The following CLDN1 variants were observed in gnomAD, a reference collection of about 807,000 sequenced individuals.
The protein encoded by CLDN1 is claudin 1.
CLDN1 carries 12 observed loss-of-function variants against 22.6 expected under a neutral mutation model. The observed-to-expected ratio is 0.53, with a 90% CI of 0.34 to 0.86. CLDN1 has a LOEUF of 0.86. Ranked by LOEUF, CLDN1 falls within the 40% of genes least tolerant of loss-of-function variation. The pLI, the probability that CLDN1 is intolerant of heterozygous loss-of-function variation, is 0.02. For missense variants in CLDN1, 250 were observed against 269.5 expected (o/e 0.93, Z 0.51); for synonymous variants, 99 against 103.8 (o/e 0.95, Z 0.28).
At chr3:190,309,426 C>A (rs1387680046) in intron 3 of CLDN1, among the ~76,000 whole-genome samples, 1 of 152,142 alleles carries the variant, frequency 6.6e-6, no homozygotes, top group Non-Finnish European at 1.5e-5. Flanking sequence ...CTTATCTCTC[C>A]AAACACTGAG....
intron 1 of CLDN1, among the ~76,000 whole-genome samples, chr3:190,314,401 T>G (rs797010825): frequency 4.6e-5 from 7 of 152,288 alleles, no homozygotes; most frequent in African/African-American, 1.7e-4. Context: ...ATCTCTTTAT[T>G]TTTCTTTTTT....
intron 1 of CLDN1, 82 bp from the exon 2 acceptor site, chr3:190,313,118 T>G: frequency 6.6e-7 from 1 of 1,516,630 alleles, no homozygotes; most frequent in Non-Finnish European, 9.1e-7. Context: ...TATATGTCAC[T>G]GTTGTATGGA....
chr3:190,319,833 G>A (rs1197125905), intron 1 of CLDN1, among the ~76,000 whole-genome samples: 3 of 152,202 alleles, frequency 2.0e-5, no homozygotes, highest in African/African-American at 4.8e-5. Context: ...GCTGGTGGGC[G>A]TAAACACCAC....
In CLDN1 at chr3:190,308,389, CAG is replaced by C. The variant is rs773228619; in HGVS notation, c.522_523del (p.Cys175ProfsTer55). The C allele has an allele frequency of 1.2e-6, 2 of 1,613,574 alleles. No individual in the cohort carries two copies. The highest frequency in any genetic ancestry group is 2.7e-5 in the African/African-American group (2 of 74,846). On this transcript the variant is annotated frameshift_variant, in exon 4 of 4. Coordinates refer to ENST00000295522, the MANE Select transcript of CLDN1 (RefSeq NM_021101.5). LOFTEE classifies it high-confidence loss of function. Reference sequence around the variant, plus strand: ...GCAAAGTAGGGCACCTCCCAGAAGGCAGAGAGAAGCAGCAGCCCAGCCAGTGA... The same window carrying C: ...GCAAAGTAGGGCACCTCCCAGAAGGCAGAGAAGCAGCAGCCCAGCCAGTGA...
intron 2 of CLDN1, among the ~76,000 whole-genome samples, chr3:190,312,402 T>C (rs1716647392): frequency 6.6e-6 from 1 of 152,174 alleles, no homozygotes. Flanking sequence ...ATCCTGTTTA[T>C]TCTCGAATTA....
In CLDN1 at chr3:190,322,342, C is replaced by G; in HGVS notation, c.-136G>C. 1.2e-6 allele frequency: 1 copy of G among 803,198 alleles called. No homozygotes were observed. The highest frequency in any genetic ancestry group is 2.1e-6 in the Non-Finnish European group (1 of 486,688). The allele number at this position is 803,198 out of a possible 1,614,324, so 49.8% of individuals were successfully genotyped here. On this transcript the variant is annotated 5_prime_UTR_variant, in exon 1 of 4. Coordinates refer to ENST00000295522, the MANE Select transcript of CLDN1 (RefSeq NM_021101.5). ...AAGGCGGGGAGCCCTGCTCGCTGCG[C>G]CGCCGCTGGAGAAGCTCTGGGTCGG...
chr3:190,308,204 C>T lies in CLDN1; in HGVS notation c.*73G>A. 3 of 1,554,052 alleles carry T rather than the reference C, an allele frequency of 1.9e-6. No homozygotes were observed. The highest frequency in any genetic ancestry group is 2.2e-5 in the South Asian group (2 of 89,348). Reference sequence around the variant, plus strand: ...TTACAATACCCAAAATTCTAAGGTCCTAATGTTAATGATAGTATCTCAATG... The same window carrying T: ...TTACAATACCCAAAATTCTAAGGTCTTAATGTTAATGATAGTATCTCAATG... On this transcript the variant is annotated 3_prime_UTR_variant, in exon 4 of 4. Coordinates refer to ENST00000295522, the MANE Select transcript of CLDN1 (RefSeq NM_021101.5).
Position 190,307,694 on chromosome 3 carries a change from A to G in CLDN1, c.*583T>C, listed in dbSNP as rs1433518511. On this transcript the variant is annotated 3_prime_UTR_variant, in exon 4 of 4. Coordinates refer to ENST00000295522, the MANE Select transcript of CLDN1 (RefSeq NM_021101.5). ...CTATAAGATTATGGTAAAAAATAAA[A>G]TAAGTATATGAAAAGGGCACGCATG... is the stretch of plus-strand genomic sequence containing the variant. 1 of 152,448 alleles carries G rather than the reference A, an allele frequency of 6.6e-6. No homozygotes were observed. The highest frequency in any genetic ancestry group is 2.4e-5 in the African/African-American group (1 of 41,460). 9.4% of individuals were successfully genotyped at this position (152,448 alleles called of 1,614,324 possible). A position where few individuals can be genotyped will look rare whatever the true frequency, so the allele number is the denominator to read the frequency against.
chr3:190,308,202 T>C lies in CLDN1; in HGVS notation c.*75A>G. ...GATTACAATACCCAAAATTCTAAGGTCCTAATGTTAATGATAGTATCTCAA... is the reference window on the plus strand; with the variant it reads ...GATTACAATACCCAAAATTCTAAGGCCCTAATGTTAATGATAGTATCTCAA... On this transcript the variant is annotated 3_prime_UTR_variant, in exon 4 of 4. Coordinates refer to ENST00000295522, the MANE Select transcript of CLDN1 (RefSeq NM_021101.5). The C allele has an allele frequency of 6.5e-7, 1 of 1,544,918 alleles. No individual in the cohort carries two copies. The highest frequency in any genetic ancestry group is 8.9e-7 in the Non-Finnish European group (1 of 1,119,050).
At chr3:190,320,065 AGT>A (rs200480604) in intron 1 of CLDN1, among the ~76,000 whole-genome samples, 1 of 148,168 alleles carries the variant, frequency 6.7e-6, no homozygotes, top group Non-Finnish European at 1.5e-5. Context: ...ACATCTCTAA[AGT>A]GTGTGTGGGG....
At chr3:190,314,009 T>G (rs1716696805) in intron 1 of CLDN1, among the ~76,000 whole-genome samples, 1 of 152,216 alleles carries the variant, frequency 6.6e-6, no homozygotes, top group South Asian at 2.1e-4. Flanking sequence ...GATCACTATA[T>G]CATTGACAGT....
intron 3 of CLDN1, among the ~76,000 whole-genome samples, 184 bp downstream of exon 3, chr3:190,309,985 C>T (rs1459470289): frequency 6.6e-6 from 1 of 152,150 alleles, no homozygotes; most frequent in East Asian, 1.9e-4. Flanking sequence ...GTCATCAATA[C>T]AGGGTGTTAA....
intron 2 of CLDN1, among the ~76,000 whole-genome samples, chr3:190,311,809 A>G (rs1716628021): frequency 6.6e-6 from 1 of 151,862 alleles, no homozygotes. Context: ...GTAAGTATAC[A>G]TACACTATAA....
chr3:190,311,520 T>TAA (rs1716617593), intron 2 of CLDN1, among the ~76,000 whole-genome samples: 1 of 152,050 alleles, frequency 6.6e-6, no homozygotes, highest in Non-Finnish European at 1.5e-5. Flanking sequence ...CTACAAGTCT[T>TAA]CTGTCAAAAA....
rs891547457 is a variant in CLDN1, at chr3:190,305,858, C to T, written c.*2419G>A. ...TGGATAAATTCTATTGTAACAATTTCGTTGGTCATTTTGGGCCATAAAATT... is the reference window on the plus strand; with the variant it reads ...TGGATAAATTCTATTGTAACAATTTTGTTGGTCATTTTGGGCCATAAAATT... On this transcript the variant is annotated 3_prime_UTR_variant, in exon 4 of 4. Coordinates refer to ENST00000295522, the MANE Select transcript of CLDN1 (RefSeq NM_021101.5). 4.6e-5 allele frequency: 7 copies of T among 152,124 alleles called. No individual in the cohort carries two copies. The highest frequency in any genetic ancestry group is 7.2e-5 in the African/African-American group (3 of 41,426). 9.4% of individuals were successfully genotyped at this position (152,124 alleles called of 1,614,324 possible).
At chr3:190,309,236 C>T (rs1208515045) in intron 3 of CLDN1, among the ~76,000 whole-genome samples, 1 of 152,156 alleles carries the variant, frequency 6.6e-6, no homozygotes, top group Non-Finnish European at 1.5e-5. Flanking sequence ...TGCAAAATGG[C>T]TGGCAATTTA....
chr3:190,315,875 A>G (rs1056089148), intron 1 of CLDN1, among the ~76,000 whole-genome samples: 4 of 152,172 alleles, frequency 2.6e-5, no homozygotes, highest in Non-Finnish European at 4.4e-5. Flanking sequence ...GGACTGTGTA[A>G]AACCCCTGAT....
At chr3:190,313,613 A>T (rs1577389399) in intron 1 of CLDN1, among the ~76,000 whole-genome samples, 1 of 152,212 alleles carries the variant, frequency 6.6e-6, no homozygotes, top group Non-Finnish European at 1.5e-5. Flanking sequence ...AGGAGTGGGG[A>T]AGAATATAGA....
chr3:190,318,335 A>G (rs968770956), intron 1 of CLDN1, among the ~76,000 whole-genome samples: 8 of 152,326 alleles, frequency 5.3e-5, no homozygotes, highest in African/African-American at 1.9e-4. Flanking sequence ...AATCACTCCA[A>G]TTAAGGAAAC....
Sources: allele counts gnomAD v4.1 joint callset (sites outside exome capture counted in the v4.1 genomes callset), GRCh38; gene constraint gnomAD v4.1.1; transcripts MANE v1.5; gene names NCBI Gene and HGNC (gene_info 2026-07-23, HGNC 2026-07-21).